The following WDR64 variants were observed in gnomAD, a reference collection of about 807,000 sequenced individuals.
WDR64 encodes WD repeat-containing protein 64.
Under a neutral mutation model 139.3 loss-of-function variants are expected in WDR64, and 112 were observed. The ratio of observed to expected loss-of-function variants is 0.80; its 90% CI spans 0.69 to 0.94. The LOEUF is 0.94. Among genes scored for constraint, WDR64 ranks in the 40% least tolerant of loss-of-function variants. The pLI, the probability that WDR64 is intolerant of heterozygous loss-of-function variation, is 0.00. For missense variants in WDR64, 1,206 were observed against 1,293.1 expected (o/e 0.93, Z 1.03); for synonymous variants, 444 against 437.7 (o/e 1.01, Z -0.18).
intron 17 of WDR64, among the ~76,000 whole-genome samples, chr1:241,769,946 T>C (rs1183620251): frequency 6.6e-6 from 1 of 152,242 alleles, no homozygotes; most frequent in Non-Finnish European, 1.5e-5. Context: ...CATCCATTTC[T>C]GAAAGAGCAA....
intron 8 of WDR64, among the ~76,000 whole-genome samples, chr1:241,696,200 T>A (rs1483603893): frequency 6.6e-6 from 1 of 150,514 alleles, no homozygotes; most frequent in East Asian, 2.0e-4. Context: ...TTTTTTTCTT[T>A]CAGAAAAAGT....
chr1:241,735,533 C>CTTTTTTTTT (rs58339742), intron 10 of WDR64, among the ~76,000 whole-genome samples: 2 of 103,512 alleles, frequency 1.9e-5, no homozygotes, highest in African/African-American at 7.6e-5. Flanking sequence ...CTCTCTCTCT[C>CTTTTTTTTT]TTTTTTTTTT....
chr1:241,660,737 T>C (rs1665800025), intron 2 of WDR64, 77 bp downstream of exon 2: 3 of 1,491,684 alleles, frequency 2.0e-6, no homozygotes, highest in South Asian at 1.3e-5. Context: ...TAAAACAAAG[T>C]GTTACTGCCA....
intron 9 of WDR64, among the ~76,000 whole-genome samples, chr1:241,717,620 GA>G (rs11346840): frequency 0.36 from 50,907 of 143,316 alleles, 9,164 homozygotes; most frequent in African/African-American, 0.47. Context: ...ACGCAGAAAA[GA>G]AAAAAAAAAG....
At chr1:241,679,645 G>A (rs1177302989) in intron 6 of WDR64, 50 bp downstream of exon 6, 2 of 1,468,510 alleles carry the variant, frequency 1.4e-6, no homozygotes, top group Non-Finnish European at 1.9e-6. Context: ...CTTTTCAGTA[G>A]TGGTACGATA....
intron 2 of WDR64, among the ~76,000 whole-genome samples, chr1:241,665,088 A>G (rs1665980514): frequency 6.6e-6 from 1 of 152,168 alleles, no homozygotes; most frequent in Non-Finnish European, 1.5e-5. Flanking sequence ...TTAAAAAAAC[A>G]AAACATATGA....
intron 15 of WDR64, among the ~76,000 whole-genome samples, chr1:241,760,350 T>C (rs926768156): frequency 6.6e-6 from 1 of 150,992 alleles, no homozygotes; most frequent in East Asian, 1.9e-4. Flanking sequence ...TATATATTTA[T>C]ATTTATATGA....
intron 14 of WDR64, among the ~76,000 whole-genome samples, chr1:241,750,035 T>C (rs911456713): frequency 1.3e-5 from 2 of 152,212 alleles, no homozygotes; most frequent in African/African-American, 4.8e-5. Context: ...TATACGCTCA[T>C]ATGGGAATAA....
Position 241,653,548 on chromosome 1 carries a change from T to C in WDR64, c.145+919T>C, listed in dbSNP as rs556053494. ...AAATTCTTTTCTTTTCTTTTCTTTT[T>C]TTTTTTTTTTCTGAGACGGAGTTTC... On this transcript the variant is annotated intron_variant, in intron 1 of 27. Coordinates refer to ENST00000437684, the MANE Select transcript of WDR64 (RefSeq NM_001367482.1). Among the ~76,000 whole-genome samples, 417 of 144,496 alleles carry C rather than the reference T, an allele frequency of 2.9e-3. 3 individuals are homozygous for C. Among genetic ancestry groups the C allele is most frequent in the East Asian group, 0.012 (62 of 5,144 alleles). 94.8% of individuals were successfully genotyped at this position (144,496 alleles called of 152,430 possible).
In WDR64 at chr1:241,770,709, G is replaced by T. The variant is rs1340091662; in HGVS notation, c.2253+19G>T. ...CAGTAAGGTAAGCAAGACACAGACA[G>T]GGTCTGTCTTCCTGTCATACTCAAT... On this transcript the variant is annotated intron_variant, in intron 18 of 27. Transcript: ENST00000437684. 7.7e-6 allele frequency: 12 copies of T among 1,548,660 alleles called. No homozygotes were observed. Among genetic ancestry groups the T allele is most frequent in the Non-Finnish European group, 1.0e-5 (12 of 1,144,620 alleles).
At chr1:241,711,617 A>C (rs1269549503) in intron 8 of WDR64, among the ~76,000 whole-genome samples, 185 bp from the exon 9 acceptor site, 1 of 152,228 alleles carries the variant, frequency 6.6e-6, no homozygotes. Flanking sequence ...GAATATCACC[A>C]CATAATGGAG....
At chr1:241,760,117 C>T (rs1670368318) in intron 15 of WDR64, among the ~76,000 whole-genome samples, 1 of 152,160 alleles carries the variant, frequency 6.6e-6, no homozygotes, top group African/African-American at 2.4e-5. Flanking sequence ...CCCATTCATC[C>T]ATCAATGGAT....
chr1:241,744,517 G>A lies in WDR64; in HGVS notation c.1594+1G>A, dbSNP rs1255199458. ...CTTTTTGCCACAGGAGCGTATAATG[G>A]TCAGACTAACATCCAGAATGTGGCG... On this transcript the variant is annotated splice_donor_variant, in intron 13 of 27. Transcript: ENST00000437684. LOFTEE classifies it high-confidence loss of function. The A allele has an allele frequency of 1.9e-6, 3 of 1,613,586 alleles. No individual in the cohort carries two copies. Among genetic ancestry groups the A allele is most frequent in the African/African-American group, 1.3e-5 (1 of 74,888 alleles).
At chr1:241,787,732 C>T (rs6429312) in intron 23 of WDR64, 117 bp from the exon 24 acceptor site, 305,545 of 822,024 alleles carry the variant, frequency 0.37, 58,132 homozygotes, top group African/African-American at 0.45. Flanking sequence ...GGTCTTGAAC[C>T]CAAGTAAAAA....
At chr1:241,682,358 C>T (rs1666834198) in intron 6 of WDR64, among the ~76,000 whole-genome samples, 1 of 152,196 alleles carries the variant, frequency 6.6e-6, no homozygotes, top group African/African-American at 2.4e-5. Flanking sequence ...AGCCAATTAT[C>T]CCAGCACCAT....
chr1:241,757,385 A>G lies in WDR64; in HGVS notation c.1873A>G (p.Arg625Gly). Residue 625 changes from arginine (R) to glycine (G), a missense_variant, in exon 15 of 28, where the codon AGA becomes GGA. By Grantham distance (125) the Arg-to-Gly change is moderately radical. Transcript: ENST00000437684. Reference protein sequence around the residue: ...KHAVHLRMSTRDRNMAIPFPD... With the variant: ...KHAVHLRMSTGDRNMAIPFPD... ...TGCTGTGCATCTGAGAATGTCTACT[A>G]GAGACAGGAACATGGCTATTCCTTT... 1.2e-6 allele frequency: 2 copies of G among 1,614,124 alleles called. No individual in the cohort carries two copies. Among genetic ancestry groups the G allele is most frequent in the East Asian group, 4.5e-5 (2 of 44,862 alleles).
intron 8 of WDR64, among the ~76,000 whole-genome samples, chr1:241,689,537 C>T (rs927494245): frequency 1.1e-4 from 16 of 152,112 alleles, no homozygotes; most frequent in Non-Finnish European, 2.1e-4. Context: ...CTTAAAGATG[C>T]TCTGACAATC....
At chr1:241,687,203 C>T (rs1667036895) in intron 7 of WDR64, among the ~76,000 whole-genome samples, 1 of 151,136 alleles carries the variant, frequency 6.6e-6, no homozygotes, top group African/African-American at 2.4e-5. Context: ...ACTCGGGAGG[C>T]TGAGGCAAGA....
chr1:241,695,358 T>G (rs1574015582), intron 8 of WDR64, among the ~76,000 whole-genome samples: 1 of 152,258 alleles, frequency 6.6e-6, no homozygotes, highest in South Asian at 2.1e-4. Context: ...GATGTCACAT[T>G]GGTAATTTGG....
Sources: gnomAD v4.1 joint callset for allele counts (sites outside exome capture counted in the v4.1 genomes callset) on GRCh38, gnomAD v4.1.1 for gene constraint, MANE v1.5 for transcripts, NCBI Gene and HGNC (gene_info 2026-07-23, HGNC 2026-07-21) for gene names.